The following PTPRG variants were observed in gnomAD, a reference collection of about 807,000 sequenced individuals.
PTPRG encodes the protein protein tyrosine phosphatase receptor type G, also known as receptor-type tyrosine-protein phosphatase gamma.
In PTPRG, 102 loss-of-function variants were observed where a neutral mutation model predicts 165.3. The observed-to-expected ratio is 0.62, with a 90% CI of 0.53 to 0.73. The LOEUF is 0.73. Ranked by LOEUF, PTPRG falls within the 30% of genes least tolerant of loss-of-function variation. The pLI, the probability that PTPRG is intolerant of heterozygous loss-of-function variation, is 0.00. For missense variants in PTPRG, 1,866 were observed against 1,861.4 expected (o/e 1.00, Z -0.05); for synonymous variants, 675 against 669.5 (o/e 1.01, Z -0.13).
chr3:62,163,511 T>C (rs1016883997), intron 7 of PTPRG, among the ~76,000 whole-genome samples: 1 of 152,140 alleles, frequency 6.6e-6, no homozygotes, highest in Non-Finnish European at 1.5e-5. Flanking sequence ...TACTTTAAGC[T>C]AAAAAGAAGT....
intron 1 of PTPRG, among the ~76,000 whole-genome samples, chr3:61,596,224 C>T (rs1192834861): frequency 6.6e-6 from 1 of 152,134 alleles, no homozygotes; most frequent in Admixed American, 6.6e-5. Context: ...CATTCCTGAA[C>T]CCCACAGTCT....
intron 2 of PTPRG, among the ~76,000 whole-genome samples, chr3:61,792,371 G>A (rs1300973944): frequency 2.0e-5 from 3 of 151,916 alleles, no homozygotes; most frequent in Admixed American, 1.3e-4. Flanking sequence ...CTGCAGGTGT[G>A]CGCCACCATG....
Position 61,600,188 on chromosome 3 carries a change from A to ATGTGTGTG in PTPRG, c.85+37817_85+37818insGTGTGTGT, listed in dbSNP as rs1372886923. ...AAAAAAAAAAAATATATATATATAT[A>ATGTGTGTG]TATATGTGTGTGTGTGTGTGTGTGT... On this transcript the variant is annotated intron_variant, in intron 1 of 29. Coordinates refer to ENST00000474889, the MANE Select transcript of PTPRG (RefSeq NM_002841.4). Among the ~76,000 whole-genome samples, 104 of 133,290 alleles carry ATGTGTGTG rather than the reference A, an allele frequency of 7.8e-4. No individual in the cohort carries two copies. The Middle Eastern group carries it at 0.016, about 20-fold the overall frequency. 87.4% of individuals were successfully genotyped at this position (133,290 alleles called of 152,430 possible). A position where few individuals can be genotyped will look rare whatever the true frequency, so the allele number is the denominator to read the frequency against.
In PTPRG at chr3:62,053,859, C is replaced by G. The variant is rs1041642959; in HGVS notation, c.520-24304C>G. On this transcript the variant is annotated intron_variant, in intron 4 of 29. Transcript: ENST00000474889. Reference sequence around the variant, plus strand: ...GGTTAGATAATTTGACTTCCTAGCTCTGCCAAGCCCAGCTGTTCATGCAGT... The same window carrying G: ...GGTTAGATAATTTGACTTCCTAGCTGTGCCAAGCCCAGCTGTTCATGCAGT... 2.6e-5 allele frequency among the ~76,000 whole-genome samples: 4 copies of G among 152,286 alleles called. No homozygotes were observed. The South Asian group carries it at 6.2e-4, about 24-fold the overall frequency.
At chr3:61,603,739 G>GCTGGCAATCC (rs1700926343) in intron 1 of PTPRG, among the ~76,000 whole-genome samples, 2 of 152,162 alleles carry the variant, frequency 1.3e-5, no homozygotes, top group South Asian at 4.1e-4. Context: ...TCTGGTCCTT[G>GCTGGCAATCC]CTGGCAATCC....
chr3:61,717,073 G>T (rs139887159), intron 1 of PTPRG, among the ~76,000 whole-genome samples: 13 of 152,324 alleles, frequency 8.5e-5, no homozygotes, highest in African/African-American at 2.6e-4. Context: ...TATTGCAAAA[G>T]ATATATTGAT....
intron 3 of PTPRG, among the ~76,000 whole-genome samples, chr3:61,999,841 G>T (rs190366527): frequency 6.6e-6 from 1 of 152,248 alleles, no homozygotes; most frequent in East Asian, 1.9e-4. Context: ...GAGTAAAAGT[G>T]GGAAATGAAT....
At chr3:62,015,845 G>A (rs948377222) in intron 4 of PTPRG, among the ~76,000 whole-genome samples, 3 of 152,110 alleles carry the variant, frequency 2.0e-5, no homozygotes, top group African/African-American at 7.2e-5. Flanking sequence ...ATATCATGTT[G>A]ATGTTATCTC....
At position 61,575,598 on chromosome 3, in the gene PTPRG, C is replaced by CTTT. The variant is rs34363041; in HGVS notation, c.85+13245_85+13247dup. 9.7e-3 allele frequency among the ~76,000 whole-genome samples: 1,135 copies of CTTT among 117,260 alleles called. 59 individuals carry two copies. Among genetic ancestry groups the CTTT allele is most frequent in the African/African-American group, 0.036 (1,059 of 29,314 alleles). 76.9% of individuals were successfully genotyped at this position (117,260 alleles called of 152,430 possible). A position where few individuals can be genotyped will look rare whatever the true frequency, so the allele number is the denominator to read the frequency against. ...CCAGAAAAGCATTAGGCACACAGAA[C>CTTT]TTTTTTTTTTTTTTTTTTTTTGAGA... On this transcript the variant is annotated intron_variant, in intron 1 of 29. Transcript: ENST00000474889.
At chr3:61,563,153 CGGCCGGGGCGG>C in intron 1 of PTPRG, among the ~76,000 whole-genome samples, 1 of 16,160 alleles carries the variant, frequency 6.2e-5, no homozygotes, top group Non-Finnish European at 1.8e-4. Context: ...GCGGTTTCGG[CGGCCGGGGCGG>C]TTTCGGCGGC....
intron 26 of PTPRG, 21 bp from the exon 27 acceptor site, chr3:62,281,542 T>TTTTTTTTTTTTTTTTTTTTTTTTG: frequency 7.5e-7 from 1 of 1,340,676 alleles, no homozygotes; most frequent in South Asian, 1.4e-5. Flanking sequence ...CAGAGGCTTT[T>TTTTTTTTTTTTTTTTTTTTTTTTG]TTTTTTTTTG....
intron 1 of PTPRG, among the ~76,000 whole-genome samples, chr3:61,720,037 C>T (rs1244425071): frequency 1.3e-5 from 2 of 152,132 alleles, no homozygotes; most frequent in Non-Finnish European, 1.5e-5. Flanking sequence ...CACCATTTGT[C>T]ATTCTATATG....
chr3:61,920,013 T>C (rs1407130210), intron 2 of PTPRG, among the ~76,000 whole-genome samples: 2 of 152,222 alleles, frequency 1.3e-5, no homozygotes, highest in Admixed American at 6.5e-5. Flanking sequence ...GGAAATTTTC[T>C]TGATTTCTTA....
chr3:61,675,235 T>C (rs17065188), intron 1 of PTPRG, among the ~76,000 whole-genome samples: 6,458 of 152,280 alleles, frequency 0.042, 379 homozygotes, highest in African/African-American at 0.13. Flanking sequence ...TTTATGTTGG[T>C]GGCTTGGATA....
At chr3:61,742,799 C>A (rs1308226014) in intron 1 of PTPRG, 17 of 1,609,118 alleles carry the variant, frequency 1.1e-5, no homozygotes, top group Non-Finnish European at 1.4e-5. Context: ...TACTTCTTGG[C>A]CAGCTTCTTG....
At chr3:61,569,429 C>T (rs1700003099) in intron 1 of PTPRG, among the ~76,000 whole-genome samples, 1 of 152,184 alleles carries the variant, frequency 6.6e-6, no homozygotes, top group Non-Finnish European at 1.5e-5. Flanking sequence ...GGACTTAGTG[C>T]TGTGCATGGT....
chr3:62,086,021 T>G (rs1352461521), intron 5 of PTPRG, among the ~76,000 whole-genome samples: 1 of 152,204 alleles, frequency 6.6e-6, no homozygotes, highest in African/African-American at 2.4e-5. Context: ...GCAAGAATTA[T>G]ATCTTATGTA....
intron 5 of PTPRG, among the ~76,000 whole-genome samples, chr3:62,127,201 C>G (rs1010312290): frequency 1.3e-5 from 2 of 152,110 alleles, no homozygotes; most frequent in African/African-American, 4.8e-5. Context: ...AAGGGCTAAC[C>G]AAAATGCAAG....
intron 2 of PTPRG, among the ~76,000 whole-genome samples, chr3:61,801,371 C>T (rs537751031): frequency 2.3e-4 from 35 of 149,848 alleles, no homozygotes; most frequent in African/African-American, 7.6e-4. Flanking sequence ...AGCAGTGGTG[C>T]GATCATGGCT....
Sources: allele counts gnomAD v4.1 joint callset (sites outside exome capture counted in the v4.1 genomes callset), GRCh38; gene constraint gnomAD v4.1.1; transcripts MANE v1.5; gene names NCBI Gene and HGNC (gene_info 2026-07-23, HGNC 2026-07-21).